The following PIK3C3 variants were observed in gnomAD, a reference collection of about 807,000 sequenced individuals.
The protein encoded by PIK3C3 is phosphatidylinositol 3-kinase catalytic subunit type 3, also known as PI3-kinase type 3.
A neutral mutation model predicts 126.1 loss-of-function variants in PIK3C3; 95 were observed. The ratio of observed to expected loss-of-function variants is 0.75; its 90% CI spans 0.64 to 0.89. The LOEUF is 0.89. Ranked by LOEUF, PIK3C3 falls within the 40% of genes least tolerant of loss-of-function variation. The pLI is 0.00. For missense variants in PIK3C3, 829 were observed against 1,063.2 expected (o/e 0.78, Z 3.06); for synonymous variants, 374 against 360.0 (o/e 1.04, Z -0.44).
intron 6 of PIK3C3, among the ~76,000 whole-genome samples, chr18:41,992,078 A>G (rs929961987): frequency 2.6e-5 from 4 of 152,204 alleles, no homozygotes; most frequent in African/African-American, 9.6e-5. Flanking sequence ...TAATAACAGA[A>G]TAGAAATTAG....
At chr18:42,003,511 A>G (rs1982392111) in intron 9 of PIK3C3, among the ~76,000 whole-genome samples, 1 of 152,162 alleles carries the variant, frequency 6.6e-6, no homozygotes, top group Non-Finnish European at 1.5e-5. Flanking sequence ...TCCTGGCCTC[A>G]AGCAATTCTC....
In PIK3C3 at chr18:42,064,355, A is replaced by G. The variant is rs142774649; in HGVS notation, c.2433-385A>G. Among the ~76,000 whole-genome samples, 161 of 152,320 alleles carry G rather than the reference A, an allele frequency of 1.1e-3. No individual in the cohort carries two copies. In the East Asian group the frequency reaches 0.028, roughly 26 times the overall value. ...TGACACACTGAGGTCATCTTAAAGTAGCAGATTGTTATCTTCATCTAGCAA... is the reference window on the plus strand; with the variant it reads ...TGACACACTGAGGTCATCTTAAAGTGGCAGATTGTTATCTTCATCTAGCAA... On this transcript the variant is annotated intron_variant, in intron 22 of 24. Coordinates refer to ENST00000262039, the MANE Select transcript of PIK3C3 (RefSeq NM_002647.4).
intron 10 of PIK3C3, among the ~76,000 whole-genome samples, chr18:42,005,594 G>A (rs1165955706): frequency 6.6e-6 from 1 of 152,110 alleles, no homozygotes; most frequent in Non-Finnish European, 1.5e-5. Flanking sequence ...GTTTATGCTA[G>A]CCAGCAGTAC....
chr18:42,081,180 CCA>C lies in PIK3C3; in HGVS notation c.*45_*46del. On this transcript the variant is annotated 3_prime_UTR_variant, in exon 25 of 25. Transcript: ENST00000262039. ...CAAGATGCTTGGCTCAATAAGAAAA[CCA>C]CGTTAGGAGCAACCTTTGTATATTG... 2.0e-6 allele frequency: 3 copies of C among 1,469,556 alleles called. No individual in the cohort carries two copies. The highest frequency in any genetic ancestry group is 1.9e-6 in the Non-Finnish European group (2 of 1,057,296). The allele number at this position is 1,469,556 out of a possible 1,614,324, so 91.0% of individuals were successfully genotyped here. A position where few individuals can be genotyped will look rare whatever the true frequency, so the allele number is the denominator to read the frequency against.
Position 42,000,690 on chromosome 18 carries a change from C to T in PIK3C3, c.985-3666C>T, listed in dbSNP as rs530906161. On this transcript the variant is annotated intron_variant, in intron 9 of 24. Transcript: ENST00000262039. ...ATTTCATGTGACTGGGGAGGCCTCA[C>T]AATCATGATGGAAGGCAAGGAGGAG... Among the ~76,000 whole-genome samples, 17 of 152,194 alleles carry T rather than the reference C, an allele frequency of 1.1e-4. No individual in the cohort carries two copies. The South Asian group carries it at 2.9e-3, about 26-fold the overall frequency.
At chr18:42,036,852 C>G (rs1365062688) in intron 16 of PIK3C3, among the ~76,000 whole-genome samples, 1 of 152,068 alleles carries the variant, frequency 6.6e-6, no homozygotes, top group Non-Finnish European at 1.5e-5. Context: ...CTAAAATGCT[C>G]CAAAATCTGA....
chr18:42,049,986 A>G (rs1984730507), intron 21 of PIK3C3: 1 of 153,474 alleles, frequency 6.5e-6, no homozygotes, highest in Admixed American at 6.5e-5. Flanking sequence ...AAAAAAAAAA[A>G]AAAAAAGATG....
chr18:41,961,098 G>T (rs2144292235), intron 2 of PIK3C3, among the ~76,000 whole-genome samples: 1 of 152,234 alleles, frequency 6.6e-6, no homozygotes, highest in African/African-American at 2.4e-5. Context: ...GGTGTTGCCT[G>T]GTATTGGATA....
At chr18:42,066,842 G>T (rs993447965) in intron 23 of PIK3C3, among the ~76,000 whole-genome samples, 4 of 152,008 alleles carry the variant, frequency 2.6e-5, no homozygotes, top group African/African-American at 4.8e-5. Flanking sequence ...AGTTTTGTGT[G>T]GGGATGTAGG....
intron 3 of PIK3C3, among the ~76,000 whole-genome samples, chr18:41,966,336 AT>A (rs1365006488): frequency 6.6e-6 from 1 of 151,604 alleles, no homozygotes; most frequent in Non-Finnish European, 1.5e-5. Context: ...TGCCCAGCTA[AT>A]TTTTGTATTT....
chr18:41,989,877 G>T (rs926636607), intron 5 of PIK3C3, among the ~76,000 whole-genome samples: 1 of 152,086 alleles, frequency 6.6e-6, no homozygotes, highest in Non-Finnish European at 1.5e-5. Context: ...GTTGGAACAA[G>T]AAGTAATTAT....
At chr18:42,080,909 C>A (rs1490834325) in intron 24 of PIK3C3, among the ~76,000 whole-genome samples, 1 of 152,158 alleles carries the variant, frequency 6.6e-6, no homozygotes, top group Non-Finnish European at 1.5e-5. Context: ...GACACCCTCT[C>A]CTTGAATTAT....
At chr18:42,074,171 TGTTA>T (rs1985887704) in intron 24 of PIK3C3, among the ~76,000 whole-genome samples, 3 of 152,300 alleles carry the variant, frequency 2.0e-5, no homozygotes, top group Admixed American at 1.3e-4. Flanking sequence ...AACCCTAGTC[TGTTA>T]GTCTTAAATA....
chr18:42,064,242 TA>T (rs1366370224), intron 22 of PIK3C3, among the ~76,000 whole-genome samples: 1 of 152,190 alleles, frequency 6.6e-6, no homozygotes, highest in Non-Finnish European at 1.5e-5. Flanking sequence ...TCAGTCACTG[TA>T]GTTCCTGAAA....
intron 2 of PIK3C3, among the ~76,000 whole-genome samples, chr18:41,958,147 A>G (rs1407252893): frequency 4.6e-5 from 7 of 152,226 alleles, no homozygotes; most frequent in African/African-American, 1.2e-4. Context: ...AGATAGATCT[A>G]TTGCCATCGG....
intron 4 of PIK3C3, among the ~76,000 whole-genome samples, chr18:41,977,952 G>A (rs940351008): frequency 1.1e-4 from 17 of 151,980 alleles, no homozygotes; most frequent in African/African-American, 3.9e-4. Flanking sequence ...CCAATTTTTT[G>A]TTTGTTTTTG....
intron 3 of PIK3C3, among the ~76,000 whole-genome samples, chr18:41,966,006 TA>T (rs777758671): frequency 5.1e-4 from 77 of 152,116 alleles, no homozygotes; most frequent in Non-Finnish European, 1.2e-4. Context: ...TAGGTCATCC[TA>T]CACTCCTTCA....
At chr18:41,956,864 A>G (rs1181459653) in intron 1 of PIK3C3, among the ~76,000 whole-genome samples, 1 of 152,196 alleles carries the variant, frequency 6.6e-6, no homozygotes, top group Non-Finnish European at 1.5e-5. Context: ...AAATGAGAAT[A>G]TGGTGAAAAT....
chr18:42,009,130 A>T (rs1259845468), intron 10 of PIK3C3, among the ~76,000 whole-genome samples: 2 of 152,138 alleles, frequency 1.3e-5, no homozygotes, highest in Non-Finnish European at 2.9e-5. Context: ...ACAACATGTA[A>T]TTATATGTAT....
Sources: allele counts gnomAD v4.1 joint callset (sites outside exome capture counted in the v4.1 genomes callset), GRCh38; gene constraint gnomAD v4.1.1; transcripts MANE v1.5; gene names NCBI Gene and HGNC (gene_info 2026-07-23, HGNC 2026-07-21).